Variants in AFAP1 observed in about 807,000 individuals in gnomAD.
AFAP1 encodes the protein actin filament associated protein 1.
AFAP1 carries 75 observed loss-of-function variants against 93.9 expected under a neutral mutation model. That is an observed-to-expected ratio of 0.80 (90% confidence interval 0.66 to 0.97). The LOEUF (loss-of-function observed/expected upper bound fraction) is 0.97. Among genes scored for constraint, AFAP1 ranks in the 50% least tolerant of loss-of-function variants. The pLI is 0.00. For synonymous variants in AFAP1, 517 were observed against 430.7 expected, an observed-to-expected ratio of 1.20 and a Z score of -2.48; for missense variants, 1,201 against 1,050.8, an observed-to-expected ratio of 1.14 and a Z score of -1.98.
At chr4:7,929,020 A>C (rs1403556228) in intron 1 of AFAP1, among the ~76,000 whole-genome samples, 1 of 152,252 alleles carries the variant, frequency 6.6e-6, no homozygotes, top group Non-Finnish European at 1.5e-5. Context: ...GAGGCTTCGG[A>C]AATGCCTTCC....
intron 1 of AFAP1, among the ~76,000 whole-genome samples, chr4:7,927,224 G>A (rs549069969): frequency 6.6e-6 from 1 of 152,336 alleles, no homozygotes; most frequent in African/African-American, 2.4e-5. Context: ...GCTCAGGTGA[G>A]CCCATATCAG....
intron 3 of AFAP1, among the ~76,000 whole-genome samples, chr4:7,863,035 C>T (rs941031315): frequency 2.0e-5 from 3 of 152,310 alleles, no homozygotes; most frequent in Non-Finnish European, 4.4e-5. Flanking sequence ...CTGGGGCTCG[C>T]CTTCTCAAAC....
chr4:7,827,569 C>CAAAA lies in AFAP1; in HGVS notation c.727-8402_727-8399dup, dbSNP rs58075483. ...ATGAACAAGAGTGAAACTCTGTCTCCAAAAAAAAAAAAAAAAAAAAAGGGA... is the reference window on the plus strand; with the variant it reads ...ATGAACAAGAGTGAAACTCTGTCTCCAAAAAAAAAAAAAAAAAAAAAAAAAGGGA... On this transcript the variant is annotated intron_variant, in intron 6 of 17. Transcript: ENST00000420658. Among the ~76,000 whole-genome samples the CAAAA allele has an allele frequency of 4.1e-3, 213 of 52,208 alleles. 11 individuals are homozygous for CAAAA. The highest frequency in any genetic ancestry group is 0.013 in the African/African-American group (158 of 12,494). 34.3% of individuals were successfully genotyped at this position (52,208 alleles called of 152,430 possible). A position where few individuals can be genotyped will look rare whatever the true frequency, so the allele number is the denominator to read the frequency against.
chr4:7,914,009 T>C (rs1719917511), intron 1 of AFAP1, among the ~76,000 whole-genome samples: 1 of 152,192 alleles, frequency 6.6e-6, no homozygotes, highest in Admixed American at 6.5e-5. Flanking sequence ...CATTTCTTTG[T>C]GTTGGTAACG....
chr4:7,876,577 C>A (rs1047877468), intron 1 of AFAP1, among the ~76,000 whole-genome samples: 23 of 152,320 alleles, frequency 1.5e-4, no homozygotes, highest in African/African-American at 4.3e-4. Context: ...GTGACACCCT[C>A]AGAAGCTGGC....
At chr4:7,811,749 G>T (rs1290864053) in intron 8 of AFAP1, among the ~76,000 whole-genome samples, 1 of 152,130 alleles carries the variant, frequency 6.6e-6, no homozygotes, top group Admixed American at 6.5e-5. Flanking sequence ...CAACCCTGGC[G>T]GCACCCGGGT....
At chr4:7,775,663 G>A (rs947574933) in intron 14 of AFAP1, 1 of 152,136 alleles carries the variant, frequency 6.6e-6, no homozygotes, top group Non-Finnish European at 1.5e-5. Flanking sequence ...AACCAGGAGC[G>A]GTATCTGGAG....
At chr4:7,816,161 T>C (rs1362034911) in intron 7 of AFAP1, 62 bp from the exon 8 acceptor site, 21 of 1,375,158 alleles carry the variant, frequency 1.5e-5, no homozygotes, top group South Asian at 2.5e-5. Flanking sequence ...TGATGTGTGA[T>C]GGATCAACCA....
chr4:7,917,819 C>T (rs570657174), intron 1 of AFAP1, among the ~76,000 whole-genome samples: 3 of 152,208 alleles, frequency 2.0e-5, no homozygotes, highest in South Asian at 2.1e-4. Context: ...TTTCCTCCTG[C>T]GTCTTTCACT....
intron 6 of AFAP1, among the ~76,000 whole-genome samples, chr4:7,824,156 T>C (rs796711027): frequency 2.6e-5 from 4 of 152,350 alleles, no homozygotes; most frequent in African/African-American, 9.6e-5. Flanking sequence ...AGGCTTCTAT[T>C]AATACATTTC....
intron 10 of AFAP1, among the ~76,000 whole-genome samples, chr4:7,799,387 A>G (rs1431284443): frequency 1.3e-5 from 2 of 152,026 alleles, no homozygotes; most frequent in Non-Finnish European, 2.9e-5. Context: ...CTATGTATGA[A>G]ATTCAAGATC....
intron 1 of AFAP1, among the ~76,000 whole-genome samples, chr4:7,896,243 T>C (rs1188667920): frequency 6.6e-6 from 1 of 152,114 alleles, no homozygotes; most frequent in Admixed American, 6.5e-5. Flanking sequence ...TAACCCACCA[T>C]TAAAAGAGGT....
chr4:7,879,180 C>T (rs1404739810), intron 1 of AFAP1, among the ~76,000 whole-genome samples: 12 of 152,208 alleles, frequency 7.9e-5, no homozygotes, highest in Admixed American at 7.2e-4. Context: ...ACTCACCTCT[C>T]CCGTCTGCAC....
chr4:7,872,011 G>A lies in AFAP1; in HGVS notation c.68C>T (p.Thr23Ile), dbSNP rs1420328518. 6.2e-7 allele frequency: 1 copy of A among 1,614,140 alleles called. No homozygotes were observed. Among genetic ancestry groups the A allele is most frequent in the Non-Finnish European group, 8.5e-7 (1 of 1,179,996 alleles). Reference sequence around the variant, plus strand: ...TATCACTGCCTTTTTCTCCCTGACAGTTGAGGTTAGATATTCATGGTCCAG... The same window carrying A: ...TATCACTGCCTTTTTCTCCCTGACAATTGAGGTTAGATATTCATGGTCCAG... The part of the protein sequence containing the change: ...ELLDHEYLTS[T>I]VREKKAVITN... The change falls in exon 2 of 18, where the codon ACT becomes ATT. Residue 23 changes from threonine (T) to isoleucine (I), a missense_variant. Coordinates refer to ENST00000420658, the MANE Select transcript of AFAP1 (RefSeq NM_001134647.2).
intron 1 of AFAP1, among the ~76,000 whole-genome samples, chr4:7,882,425 G>A (rs1231492226): frequency 2.0e-5 from 3 of 150,184 alleles, no homozygotes. Context: ...AAATATAAAT[G>A]TGATATCTAA....
chr4:7,875,058 C>T (rs1717404923), intron 1 of AFAP1, among the ~76,000 whole-genome samples: 1 of 152,132 alleles, frequency 6.6e-6, no homozygotes, highest in Non-Finnish European at 1.5e-5. Context: ...TTAAGATCTT[C>T]ATTCATTTAT....
At chr4:7,851,968 GC>G (rs1714488185) in intron 4 of AFAP1, among the ~76,000 whole-genome samples, 1 of 152,202 alleles carries the variant, frequency 6.6e-6, no homozygotes, top group South Asian at 2.1e-4. Context: ...CTCATTTACA[GC>G]AAATCAAGTA....
At chr4:7,836,990 A>C (rs557528078) in intron 6 of AFAP1, among the ~76,000 whole-genome samples, 1 of 152,344 alleles carries the variant, frequency 6.6e-6, no homozygotes, top group Non-Finnish European at 1.5e-5. Context: ...GACAAAAATG[A>C]CATGAACAAG....
At chr4:7,888,793 G>C (rs75611058) in intron 1 of AFAP1, among the ~76,000 whole-genome samples, 35 of 128,246 alleles carry the variant, frequency 2.7e-4, no homozygotes, top group Non-Finnish European at 5.0e-4. Flanking sequence ...GTTTTTTTTT[G>C]TTGTTGTTGT....
Sources: gnomAD v4.1 joint callset for allele counts (sites outside exome capture counted in the v4.1 genomes callset) on GRCh38, gnomAD v4.1.1 for gene constraint, MANE v1.5 for transcripts, NCBI Gene and HGNC (gene_info 2026-07-23, HGNC 2026-07-21) for gene names.